ATXN7L3B: variants seen among roughly 807,000 people sequenced by gnomAD.
ATXN7L3B encodes the protein ataxin 7 like 3B.
A neutral mutation model predicts 6.3 loss-of-function variants in ATXN7L3B; 4 were observed. That is an observed-to-expected ratio of 0.63 (90% CI 0.31 to 1.45). ATXN7L3B has a LOEUF of 1.45. Among genes scored for constraint, ATXN7L3B ranks in the 40% most tolerant of loss-of-function variants. The pLI, the probability that ATXN7L3B is intolerant of heterozygous loss-of-function variation, is 0.07. For synonymous variants in ATXN7L3B, 63 were observed against 48.0 expected, an observed-to-expected ratio of 1.31 and a Z score of -1.29; for missense variants, 120 against 118.5, an observed-to-expected ratio of 1.01 and a Z score of -0.06.
In ATXN7L3B at chr12:74,538,283, G is replaced by A; in HGVS notation, c.171G>A (p.Lys57=). The change falls in exon 1 of 1, where the codon AAG becomes AAA. Residue 57 remains lysine (K), a synonymous_variant. Transcript: ENST00000519948. ...AGTTCGCAGAGACTGGTAGCGTGAA[G>A]GATTTTGGCATTCAGCCAGTGGAAG... is the stretch of plus-strand genomic sequence containing the variant. The part of the protein sequence containing the change: ...YLEFAETGSV[K]DFGIQPVEDK... The A allele has an allele frequency of 6.4e-7, 1 of 1,566,906 alleles. No individual in the cohort carries two copies. The highest frequency in any genetic ancestry group is 1.2e-5 in the South Asian group (1 of 84,944).
chr12:74,539,837 T>G lies in ATXN7L3B; in HGVS notation c.*1431T>G, dbSNP rs2136587925. ...GTATAAAGGGGTGGGAGCCCCGAGGTGAGCGGGAACGGTGCTGCTTTATTT... is the reference window on the plus strand; with the variant it reads ...GTATAAAGGGGTGGGAGCCCCGAGGGGAGCGGGAACGGTGCTGCTTTATTT... On this transcript the variant is annotated 3_prime_UTR_variant, in exon 1 of 1. Coordinates refer to ENST00000519948, the MANE Select transcript of ATXN7L3B (RefSeq NM_001136262.2). 6.0e-6 allele frequency: 1 copy of G among 167,284 alleles called. No individual in the cohort carries two copies. Among genetic ancestry groups the G allele is most frequent in the East Asian group, 1.9e-4 (1 of 5,160 alleles). 10.4% of individuals were successfully genotyped at this position (167,284 alleles called of 1,614,324 possible).
rs1025181099 is a variant in ATXN7L3B, at chr12:74,544,761, G to T, written c.*6355G>T. ...AAGTACAAAACATAGAGAAAAGATT[G>T]ATGTGTTCGACCATAATAAAAATAG... On this transcript the variant is annotated 3_prime_UTR_variant, in exon 1 of 1. Transcript: ENST00000519948. 1 of 151,956 alleles carries T rather than the reference G, an allele frequency of 6.6e-6. No individual in the cohort carries two copies. Among genetic ancestry groups the T allele is most frequent in the African/African-American group, 2.4e-5 (1 of 41,416 alleles). 9.4% of individuals were successfully genotyped at this position (151,956 alleles called of 1,614,324 possible). A position where few individuals can be genotyped will look rare whatever the true frequency, so the allele number is the denominator to read the frequency against.
Position 74,537,955 on chromosome 12 carries a change from G to A in ATXN7L3B, c.-158G>A, listed in dbSNP as rs777975360. 6.3e-6 allele frequency: 4 copies of A among 638,694 alleles called. No homozygotes were observed. The highest frequency in any genetic ancestry group is 1.1e-5 in the Non-Finnish European group (4 of 369,450). The allele number at this position is 638,694 out of a possible 1,614,324, so 39.6% of individuals were successfully genotyped here. A position where few individuals can be genotyped will look rare whatever the true frequency, so the allele number is the denominator to read the frequency against. On this transcript the variant is annotated 5_prime_UTR_variant, in exon 1 of 1. Coordinates refer to ENST00000519948, the MANE Select transcript of ATXN7L3B (RefSeq NM_001136262.2). Reference sequence around the variant, plus strand: ...AAGGACTTGGGATTCCGGAGCAGTCGCCCCTATCGCTGCTCCTGCAGTTGC... The same window carrying A: ...AAGGACTTGGGATTCCGGAGCAGTCACCCCTATCGCTGCTCCTGCAGTTGC...
At position 74,542,019 on chromosome 12, in the gene ATXN7L3B, T is replaced by G. The variant is rs1296708572; in HGVS notation, c.*3613T>G. 6 of 152,228 alleles carry G rather than the reference T, an allele frequency of 3.9e-5. No individual in the cohort carries two copies. Among genetic ancestry groups the G allele is most frequent in the Admixed American group, 3.9e-4 (6 of 15,268 alleles). 9.4% of individuals were successfully genotyped at this position (152,228 alleles called of 1,614,324 possible). ...TCCTGTGTCCTAATCAGTCTCTTGC[T>G]ATGTGTTCTAATTTATTAAAGTTTC... On this transcript the variant is annotated 3_prime_UTR_variant, in exon 1 of 1. Transcript: ENST00000519948.
chr12:74,543,171 A>G lies in ATXN7L3B; in HGVS notation c.*4765A>G, dbSNP rs1868939168. On this transcript the variant is annotated 3_prime_UTR_variant, in exon 1 of 1. Coordinates refer to ENST00000519948, the MANE Select transcript of ATXN7L3B (RefSeq NM_001136262.2). ...ATATTTCTTGAGACTCATTGGAAATATGTGAGCTAAAAAGGAAATACTAAA... is the reference window on the plus strand; with the variant it reads ...ATATTTCTTGAGACTCATTGGAAATGTGTGAGCTAAAAAGGAAATACTAAA... 2 of 152,130 alleles carry G rather than the reference A, an allele frequency of 1.3e-5. No homozygotes were observed. Among genetic ancestry groups the G allele is most frequent in the Admixed American group, 1.3e-4 (2 of 15,278 alleles). The allele number at this position is 152,130 out of a possible 1,614,324, so 9.4% of individuals were successfully genotyped here.
Position 74,538,656 on chromosome 12 carries a change from GAT to G in ATXN7L3B, c.*251_*252del, listed in dbSNP as rs1165393377. 63 of 521,496 alleles carry G rather than the reference GAT, an allele frequency of 1.2e-4. No individual in the cohort carries two copies. The highest frequency in any genetic ancestry group is 1.8e-4 in the Non-Finnish European group (51 of 280,890). The allele number at this position is 521,496 out of a possible 1,614,324, so 32.3% of individuals were successfully genotyped here. On this transcript the variant is annotated 3_prime_UTR_variant, in exon 1 of 1. Coordinates refer to ENST00000519948, the MANE Select transcript of ATXN7L3B (RefSeq NM_001136262.2). ...GCCTGCGGGCCATGCAGTGCCTGTT[GAT>G]CTCTAAACACACCAGGATGTGCGCA... is the stretch of plus-strand genomic sequence containing the variant.
In ATXN7L3B at chr12:74,544,609, G is replaced by C. The variant is rs185585484; in HGVS notation, c.*6203G>C. On this transcript the variant is annotated 3_prime_UTR_variant, in exon 1 of 1. Transcript: ENST00000519948. ...GATTATCCATAAATAATAAAACTGT[G>C]CTCAGACACAAAATTAATTCCTATA... 328 of 152,022 alleles carry C rather than the reference G, an allele frequency of 2.2e-3. No homozygotes were observed. Among genetic ancestry groups the C allele is most frequent in the African/African-American group, 7.7e-3 (318 of 41,520 alleles). The allele number at this position is 152,022 out of a possible 1,614,324, so 9.4% of individuals were successfully genotyped here. A position where few individuals can be genotyped will look rare whatever the true frequency, so the allele number is the denominator to read the frequency against.
At position 74,542,503 on chromosome 12, in the gene ATXN7L3B, A is replaced by G. The variant is rs2136590166; in HGVS notation, c.*4097A>G. ...ATAATTGCAAGACCCCTGCTTTACCAAATACTTGACAATGGGACTTTGAAG... is the reference window on the plus strand; with the variant it reads ...ATAATTGCAAGACCCCTGCTTTACCGAATACTTGACAATGGGACTTTGAAG... On this transcript the variant is annotated 3_prime_UTR_variant, in exon 1 of 1. Coordinates refer to ENST00000519948, the MANE Select transcript of ATXN7L3B (RefSeq NM_001136262.2). The G allele has an allele frequency of 6.6e-6, 1 of 152,268 alleles. No individual in the cohort carries two copies. Among genetic ancestry groups the G allele is most frequent in the East Asian group, 1.9e-4 (1 of 5,192 alleles). 9.4% of individuals were successfully genotyped at this position (152,268 alleles called of 1,614,324 possible).
At position 74,541,872 on chromosome 12, in the gene ATXN7L3B, A is replaced by C. The variant is rs647129; in HGVS notation, c.*3466A>C. ...GATGGTTCTGCCTAATTTTTTTCTC[A>C]ATACTTAAAAAATTACCTCAACACT... On this transcript the variant is annotated 3_prime_UTR_variant, in exon 1 of 1. Transcript: ENST00000519948. 0.46 allele frequency: 69,703 copies of C among 151,990 alleles called. 18,165 individuals are homozygous for C. Among genetic ancestry groups the C allele is most frequent in the South Asian group, 0.58 (2,786 of 4,824 alleles). The allele number at this position is 151,990 out of a possible 1,614,324, so 9.4% of individuals were successfully genotyped here.
chr12:74,541,384 C>G lies in ATXN7L3B; in HGVS notation c.*2978C>G, dbSNP rs1160782958. The G allele has an allele frequency of 6.0e-6, 1 of 167,026 alleles. No homozygotes were observed. Among genetic ancestry groups the G allele is most frequent in the Non-Finnish European group, 1.5e-5 (1 of 68,116 alleles). The allele number at this position is 167,026 out of a possible 1,614,324, so 10.3% of individuals were successfully genotyped here. On this transcript the variant is annotated 3_prime_UTR_variant, in exon 1 of 1. Coordinates refer to ENST00000519948, the MANE Select transcript of ATXN7L3B (RefSeq NM_001136262.2). ...GCTGATTAACTGTATTCCCCTTTCC[C>G]CTATGGCTGCTGGTGTAAATAAACT... is the stretch of plus-strand genomic sequence containing the variant.
At position 74,537,945 on chromosome 12, in the gene ATXN7L3B, C is replaced by T. The variant is rs1868761386; in HGVS notation, c.-168C>T. 1.6e-6 allele frequency: 1 copy of T among 628,082 alleles called. No homozygotes were observed. The highest frequency in any genetic ancestry group is 2.8e-6 in the Non-Finnish European group (1 of 361,190). 38.9% of individuals were successfully genotyped at this position (628,082 alleles called of 1,614,324 possible). ...AAACAAACAGAAGGACTTGGGATTC[C>T]GGAGCAGTCGCCCCTATCGCTGCTC... On this transcript the variant is annotated 5_prime_UTR_variant, in exon 1 of 1. Transcript: ENST00000519948.
rs1473387572 is a variant in ATXN7L3B, at chr12:74,539,778, C to T, written c.*1372C>T. On this transcript the variant is annotated 3_prime_UTR_variant, in exon 1 of 1. Coordinates refer to ENST00000519948, the MANE Select transcript of ATXN7L3B (RefSeq NM_001136262.2). ...AGTAAGAGTCACATATCAAAACTAC[C>T]CTCCACTTTATTCCCTGAGCGAGGG... 1 of 167,066 alleles carries T rather than the reference C, an allele frequency of 6.0e-6. No individual in the cohort carries two copies. Among genetic ancestry groups the T allele is most frequent in the African/African-American group, 2.4e-5 (1 of 41,440 alleles). The allele number at this position is 167,066 out of a possible 1,614,324, so 10.3% of individuals were successfully genotyped here. A position where few individuals can be genotyped will look rare whatever the true frequency, so the allele number is the denominator to read the frequency against.
rs537642573 is a variant in ATXN7L3B at position 74,542,106 on chromosome 12, C to T, written c.*3700C>T. On this transcript the variant is annotated 3_prime_UTR_variant, in exon 1 of 1. Transcript: ENST00000519948. ...GAAATGAGTCCAGAGAAGAATCTGA[C>T]TCAATAGGATACCTCAGGGAAGCTT... is the stretch of plus-strand genomic sequence containing the variant. 6.6e-6 allele frequency: 1 copy of T among 152,240 alleles called. No individual in the cohort carries two copies. Among genetic ancestry groups the T allele is most frequent in the South Asian group, 2.1e-4 (1 of 4,818 alleles). The allele number at this position is 152,240 out of a possible 1,614,324, so 9.4% of individuals were successfully genotyped here.
chr12:74,539,900 G>A lies in ATXN7L3B; in HGVS notation c.*1494G>A, dbSNP rs906519126. On this transcript the variant is annotated 3_prime_UTR_variant, in exon 1 of 1. Transcript: ENST00000519948. Reference sequence around the variant, plus strand: ...TACCTCATTCTGTGCCCCAGTAGGGGGTCCAGCCTCATCTGTCTGGCTTGG... The same window carrying A: ...TACCTCATTCTGTGCCCCAGTAGGGAGTCCAGCCTCATCTGTCTGGCTTGG... The A allele has an allele frequency of 1.8e-5, 3 of 167,290 alleles. No homozygotes were observed. The highest frequency in any genetic ancestry group is 7.2e-5 in the African/African-American group (3 of 41,420). 10.4% of individuals were successfully genotyped at this position (167,290 alleles called of 1,614,324 possible).
chr12:74,542,334 T>G lies in ATXN7L3B; in HGVS notation c.*3928T>G, dbSNP rs1434348092. ...ATTGGGTATTTTGCCTTAAGTAAGATTTCTACTACTTTTATTAAAATTCAC... is the reference window on the plus strand; with the variant it reads ...ATTGGGTATTTTGCCTTAAGTAAGAGTTCTACTACTTTTATTAAAATTCAC... On this transcript the variant is annotated 3_prime_UTR_variant, in exon 1 of 1. Coordinates refer to ENST00000519948, the MANE Select transcript of ATXN7L3B (RefSeq NM_001136262.2). The G allele has an allele frequency of 1.3e-5, 2 of 152,162 alleles. No homozygotes were observed. The highest frequency in any genetic ancestry group is 4.8e-5 in the African/African-American group (2 of 41,438). The allele number at this position is 152,162 out of a possible 1,614,324, so 9.4% of individuals were successfully genotyped here.
In ATXN7L3B at chr12:74,545,393, A is replaced by G. The variant is rs1299731823; in HGVS notation, c.*6987A>G. 2.0e-5 allele frequency: 3 copies of G among 152,260 alleles called. No homozygotes were observed. The highest frequency in any genetic ancestry group is 2.9e-5 in the Non-Finnish European group (2 of 67,940). The allele number at this position is 152,260 out of a possible 1,614,324, so 9.4% of individuals were successfully genotyped here. On this transcript the variant is annotated 3_prime_UTR_variant, in exon 1 of 1. Coordinates refer to ENST00000519948, the MANE Select transcript of ATXN7L3B (RefSeq NM_001136262.2). ...CAAATCAATGCTGTATGTTGTTTAA[A>G]TAATTGTGAATATGAAATAAAAACT...
At position 74,543,038 on chromosome 12, in the gene ATXN7L3B, G is replaced by A. The variant is rs1226109104; in HGVS notation, c.*4632G>A. ...GCCCATAATGTTGCTTTGGAGGACA[G>A]CATTAGAAGTGATGTTCCTATTCAA... is the stretch of plus-strand genomic sequence containing the variant. On this transcript the variant is annotated 3_prime_UTR_variant, in exon 1 of 1. Transcript: ENST00000519948. 4 of 152,078 alleles carry A rather than the reference G, an allele frequency of 2.6e-5. No individual in the cohort carries two copies. Among genetic ancestry groups the A allele is most frequent in the Non-Finnish European group, 2.9e-5 (2 of 67,964 alleles). The allele number at this position is 152,078 out of a possible 1,614,324, so 9.4% of individuals were successfully genotyped here.
rs1868940576 is a variant in ATXN7L3B at position 74,543,220 on chromosome 12, A to G, written c.*4814A>G. On this transcript the variant is annotated 3_prime_UTR_variant, in exon 1 of 1. Coordinates refer to ENST00000519948, the MANE Select transcript of ATXN7L3B (RefSeq NM_001136262.2). ...AATTGATTTTAGAGATGAAAAAAAA[A>G]TCTTCAGCAGCAGTGACTTGCCCAT... The G allele has an allele frequency of 1.3e-5, 2 of 152,122 alleles. No homozygotes were observed. The highest frequency in any genetic ancestry group is 1.9e-4 in the East Asian group (1 of 5,194). 9.4% of individuals were successfully genotyped at this position (152,122 alleles called of 1,614,324 possible).
rs1276990184 is a variant in ATXN7L3B at position 74,544,380 on chromosome 12, ATTAATT to A, written c.*5979_*5984del. ...TAGATGTGCTCATGGAACTTGACAA[ATTAATT>A]TTAAGATTTATATGAACACCAGATG... On this transcript the variant is annotated 3_prime_UTR_variant, in exon 1 of 1. Coordinates refer to ENST00000519948, the MANE Select transcript of ATXN7L3B (RefSeq NM_001136262.2). 3.9e-5 allele frequency: 6 copies of A among 152,020 alleles called. No individual in the cohort carries two copies. The highest frequency in any genetic ancestry group is 7.2e-5 in the African/African-American group (3 of 41,456). The allele number at this position is 152,020 out of a possible 1,614,324, so 9.4% of individuals were successfully genotyped here.
Sources: gnomAD v4.1 joint callset for allele counts on GRCh38, gnomAD v4.1.1 for gene constraint, MANE v1.5 for transcripts, NCBI Gene and HGNC (gene_info 2026-07-23, HGNC 2026-07-21) for gene names.